Variants in NELL1 observed in about 807,000 individuals in gnomAD.
The protein encoded by NELL1 is protein kinase C-binding protein NELL1.
In NELL1, 76 loss-of-function variants were observed where a neutral mutation model predicts 107.4. The ratio of observed to expected loss-of-function variants is 0.71; its 90% confidence interval spans 0.59 to 0.86. The LOEUF is 0.86. Among genes scored for constraint, NELL1 ranks in the 40% least tolerant of loss-of-function variants. NELL1 has a pLI of 0.00. For missense variants in NELL1, 1,024 were observed against 1,005.5 expected (o/e 1.02, Z -0.25); for synonymous variants, 353 against 341.2 (o/e 1.03, Z -0.38).
intron 13 of NELL1, among the ~76,000 whole-genome samples, chr11:21,129,395 G>T (rs58712598): frequency 6.6e-5 from 10 of 151,884 alleles, no homozygotes; most frequent in South Asian, 2.1e-4. Flanking sequence ...ATGATCTGGC[G>T]ATTCCACTTA....
intron 5 of NELL1, among the ~76,000 whole-genome samples, chr11:20,908,175 C>G (rs1476771288): frequency 6.6e-6 from 1 of 152,086 alleles, no homozygotes; most frequent in Non-Finnish European, 1.5e-5. Context: ...CCAGAAATAC[C>G]ATTTGACCCA....
chr11:20,837,557 T>C (rs1848556262), intron 3 of NELL1, among the ~76,000 whole-genome samples: 1 of 152,112 alleles, frequency 6.6e-6, no homozygotes, highest in Non-Finnish European at 1.5e-5. Flanking sequence ...GAACAAGCCT[T>C]CCTTGGAGAG....
intron 4 of NELL1, among the ~76,000 whole-genome samples, chr11:20,878,358 CAAAAAA>C (rs58962461): frequency 1.0e-5 from 1 of 95,768 alleles, no homozygotes; most frequent in Non-Finnish European, 2.1e-5. Flanking sequence ...GACCCCGTCT[CAAAAAA>C]AAAAAAAAAA....
At chr11:21,548,050 A>G (rs1273121100) in intron 16 of NELL1, among the ~76,000 whole-genome samples, 1 of 151,928 alleles carries the variant, frequency 6.6e-6, no homozygotes, top group African/African-American at 2.4e-5. Context: ...CAAGATAATG[A>G]GAGTAGCATT....
chr11:20,768,815 A>C (rs892860751), intron 2 of NELL1, among the ~76,000 whole-genome samples: 2 of 152,142 alleles, frequency 1.3e-5, no homozygotes, highest in Non-Finnish European at 2.9e-5. Context: ...TTCCAGAGGG[A>C]GTATGGCCGT....
chr11:20,865,464 T>C (rs1849078426), intron 4 of NELL1, among the ~76,000 whole-genome samples: 2 of 152,168 alleles, frequency 1.3e-5, no homozygotes, highest in African/African-American at 4.8e-5. Context: ...TCTATTGGCT[T>C]CTCGGGAAAC....
intron 13 of NELL1, 43 bp from the exon 14 acceptor site, chr11:21,229,289 C>T: frequency 6.2e-7 from 1 of 1,609,640 alleles, no homozygotes; most frequent in Non-Finnish European, 8.5e-7. Context: ...GTAATTCCAA[C>T]TTAAGAAAAA....
chr11:21,114,738 T>C (rs796976145), intron 13 of NELL1, among the ~76,000 whole-genome samples: 18 of 152,132 alleles, frequency 1.2e-4, no homozygotes, highest in African/African-American at 4.1e-4. Flanking sequence ...ACATCTCACT[T>C]ATCTGTCTTT....
At chr11:21,256,396 C>A (rs2133916871) in intron 14 of NELL1, among the ~76,000 whole-genome samples, 1 of 152,088 alleles carries the variant, frequency 6.6e-6, no homozygotes, top group Non-Finnish European at 1.5e-5. Flanking sequence ...AGTCTGAAGC[C>A]AGGTAGAAAA....
At chr11:20,870,054 T>C (rs769492301) in intron 4 of NELL1, among the ~76,000 whole-genome samples, 1 of 152,220 alleles carries the variant, frequency 6.6e-6, no homozygotes, top group Admixed American at 6.5e-5. Flanking sequence ...ACTTCACTTA[T>C]GCCTGTTTAT....
rs12575987 is a variant in NELL1, at chr11:21,495,355, C to T, written c.1646-39019C>T. ...TCAGTACCTGATTCCTTTTTATGGC[C>T]GAATAATATTCTATTTTACAGGTAC... On this transcript the variant is annotated intron_variant, in intron 15 of 19. Coordinates refer to ENST00000357134, the MANE Select transcript of NELL1 (RefSeq NM_006157.5). Among the ~76,000 whole-genome samples the T allele has an allele frequency of 0.013, 2,050 of 151,948 alleles. 150 individuals carry two copies. In the East Asian group the frequency reaches 0.23, roughly 17 times the overall value.
chr11:21,380,097 A>G (rs1042938829), intron 15 of NELL1, among the ~76,000 whole-genome samples: 10 of 152,094 alleles, frequency 6.6e-5, no homozygotes, highest in African/African-American at 2.4e-4. Flanking sequence ...CAGGAGAATT[A>G]TTTAACTTTT....
chr11:21,419,747 A>G (rs1852612795), intron 15 of NELL1, among the ~76,000 whole-genome samples: 1 of 152,196 alleles, frequency 6.6e-6, no homozygotes, highest in Non-Finnish European at 1.5e-5. Flanking sequence ...AAGTAAAAGT[A>G]CACATAGAAG....
chr11:20,688,677 A>C (rs901669125), intron 2 of NELL1, among the ~76,000 whole-genome samples: 2 of 152,128 alleles, frequency 1.3e-5, no homozygotes, highest in Admixed American at 6.6e-5. Context: ...TGCTATTGTG[A>C]ATAGTGCTGC....
chr11:20,845,219 G>T (rs1848682870), intron 3 of NELL1, among the ~76,000 whole-genome samples: 1 of 152,152 alleles, frequency 6.6e-6, no homozygotes. Context: ...AGTATCATTT[G>T]CCTGACATTA....
intron 12 of NELL1, among the ~76,000 whole-genome samples, chr11:21,093,602 A>C (rs1854571568): frequency 6.6e-6 from 1 of 152,196 alleles, no homozygotes; most frequent in Non-Finnish European, 1.5e-5. Flanking sequence ...GGCAATTTAC[A>C]AAAGAAAGAG....
chr11:20,964,317 A>T (rs576039486), intron 12 of NELL1, among the ~76,000 whole-genome samples: 2 of 152,154 alleles, frequency 1.3e-5, no homozygotes, highest in Non-Finnish European at 2.9e-5. Flanking sequence ...GAGTCTCATA[A>T]ACTTTTTCTT....
chr11:20,910,260 A>T (rs1353153566), intron 5 of NELL1, among the ~76,000 whole-genome samples: 23 of 152,160 alleles, frequency 1.5e-4, no homozygotes, highest in Admixed American at 1.5e-3. Context: ...AAGACCCTTG[A>T]GGCCTAGGCT....
intron 16 of NELL1, among the ~76,000 whole-genome samples, chr11:21,547,245 G>A (rs752128205): frequency 4.5e-4 from 69 of 151,962 alleles, no homozygotes; most frequent in Non-Finnish European, 7.8e-4. Flanking sequence ...TTTTCCAGGC[G>A]AACTACTCAT....
Sources: allele counts gnomAD v4.1 joint callset (sites outside exome capture counted in the v4.1 genomes callset), GRCh38; gene constraint gnomAD v4.1.1; transcripts MANE v1.5; gene names NCBI Gene and HGNC (gene_info 2026-07-23, HGNC 2026-07-21).